The following AKAP13 variants were observed in gnomAD, a reference collection of about 807,000 sequenced individuals.
AKAP13 encodes the protein A-kinase anchoring protein 13.
Under a neutral mutation model 264.5 loss-of-function variants are expected in AKAP13, and 80 were observed. The observed-to-expected ratio is 0.30, with a 90% CI of 0.25 to 0.36. The LOEUF is 0.36. AKAP13 is among the 10% of genes least tolerant of loss of function. The pLI is 1.00. For missense variants in AKAP13, 3,712 were observed against 3,435.2 expected (o/e 1.08, Z -2.01); for synonymous variants, 1,380 against 1,250.2 (o/e 1.10, Z -2.19).
Position 85,745,714 on chromosome 15 carries a change from C to G in AKAP13, c.*1037C>G, listed in dbSNP as rs1373922515. On this transcript the variant is annotated 3_prime_UTR_variant, in exon 37 of 37. Coordinates refer to ENST00000394518, the MANE Select transcript of AKAP13 (RefSeq NM_007200.5). ...GCACCCAGGCCAGGCAGAAGCTGTG[C>G]TCTGAAGCTAGGACAGCTGGCTGAG... 6.6e-6 allele frequency: 1 copy of G among 152,326 alleles called. No homozygotes were observed. The highest frequency in any genetic ancestry group is 2.4e-5 in the African/African-American group (1 of 41,452). 9.4% of individuals were successfully genotyped at this position (152,326 alleles called of 1,614,324 possible). A position where few individuals can be genotyped will look rare whatever the true frequency, so the allele number is the denominator to read the frequency against.
chr15:85,672,534 C>A (rs892929382), intron 14 of AKAP13, among the ~76,000 whole-genome samples: 4 of 152,168 alleles, frequency 2.6e-5, no homozygotes, highest in African/African-American at 7.2e-5. Context: ...CTTAAATACT[C>A]AGCATGATTC....
intron 14 of AKAP13, among the ~76,000 whole-genome samples, chr15:85,676,202 C>T (rs185517065): frequency 6.7e-4 from 102 of 152,292 alleles, no homozygotes; most frequent in African/African-American, 2.3e-3. Context: ...TGAGCCACCA[C>T]GCCCAGCCAG....
At chr15:85,614,364 G>A (rs2080845807) in intron 8 of AKAP13, among the ~76,000 whole-genome samples, 1 of 152,124 alleles carries the variant, frequency 6.6e-6, no homozygotes, top group Admixed American at 6.5e-5. Context: ...GGAAGACTTG[G>A]GTAGCAATAT....
At chr15:85,477,820 G>A (rs1006114032) in intron 1 of AKAP13, among the ~76,000 whole-genome samples, 1 of 152,048 alleles carries the variant, frequency 6.6e-6, no homozygotes, top group East Asian at 1.9e-4. Context: ...CCCTGCCTCT[G>A]TTTCTAAGGC....
chr15:85,723,137 G>A lies in AKAP13; in HGVS notation c.6562G>A (p.Val2188Ile), dbSNP rs775687536. ...LSLVKDVIGA[V>I]DSKVASYEKK... is the part of the protein sequence containing the mutation. ...CCTGGTGAAGGATGTGATTGGAGCT[G>A]TAGACAGCAAAGTGGCAAGTTATGA... Residue 2188 changes from valine (V) to isoleucine (I), a missense_variant, in exon 26 of 37, where the codon GTA becomes ATA. Transcript: ENST00000394518. 3 of 1,614,174 alleles carry A rather than the reference G, an allele frequency of 1.9e-6. No homozygotes were observed. Among genetic ancestry groups the A allele is most frequent in the Non-Finnish European group, 1.7e-6 (2 of 1,180,008 alleles).
At position 85,718,015 on chromosome 15, in the gene AKAP13, A is replaced by T; in HGVS notation, c.5857A>T (p.Thr1953Ser). ...TTTTTTGATATATTGAGGAGTAGGT[A>T]CAGACATGAATGAAGGACAACTACT... ...TESLTDEGVGTDMNEGQLLGD... is the reference protein window; with the variant it reads ...TESLTDEGVGSDMNEGQLLGD... The change falls in exon 22 of 37, where the codon ACA (threonine) becomes TCA (serine). Residue 1953 changes from threonine (T) to serine (S), a missense_variant. Thr to Ser is a moderately conservative substitution (Grantham distance 58, BLOSUM62 1). Transcript: ENST00000394518. This position sits in a 1 kb window ranked among gnomAD's most constrained non-coding sequence, Gnocchi z 4.9. 6.2e-7 allele frequency: 1 copy of T among 1,614,102 alleles called. No individual in the cohort carries two copies. Among genetic ancestry groups the T allele is most frequent in the Non-Finnish European group, 8.5e-7 (1 of 1,179,970 alleles).
intron 8 of AKAP13, among the ~76,000 whole-genome samples, chr15:85,627,008 C>T (rs929945422): frequency 6.6e-6 from 1 of 152,110 alleles, no homozygotes; most frequent in African/African-American, 2.4e-5. Context: ...TGCACACTTA[C>T]TTTTGTCCTG....
chr15:85,427,276 T>G (rs991952908), intron 1 of AKAP13, among the ~76,000 whole-genome samples: 8 of 152,092 alleles, frequency 5.3e-5, no homozygotes, highest in Admixed American at 1.3e-4. Context: ...TTCTGGTTTA[T>G]AAGAATTGAA....
At chr15:85,486,598 T>C (rs1182565812) in intron 2 of AKAP13, among the ~76,000 whole-genome samples, 2 of 152,164 alleles carry the variant, frequency 1.3e-5, no homozygotes, top group Non-Finnish European at 2.9e-5. Flanking sequence ...GTCGATTCCT[T>C]TCATTTAGGT....
chr15:85,497,225 A>G lies in AKAP13; in HGVS notation c.33+11472A>G, dbSNP rs367767267. On this transcript the variant is annotated intron_variant, in intron 2 of 36. Transcript: ENST00000394518. ...TAAAACAAGTATTTGTGAAGCACCT[A>G]TTAGGTGAATGGGACATTTGATCTT... Among the ~76,000 whole-genome samples the G allele has an allele frequency of 4.6e-5, 7 of 152,302 alleles. No homozygotes were observed. The East Asian group carries it at 5.8e-4, about 13-fold the overall frequency.
chr15:85,746,978 G>A lies in AKAP13; in HGVS notation c.*2301G>A, dbSNP rs552652202. 1 of 152,334 alleles carries A rather than the reference G, an allele frequency of 6.6e-6. No homozygotes were observed. Among genetic ancestry groups the A allele is most frequent in the South Asian group, 2.1e-4 (1 of 4,822 alleles). The allele number at this position is 152,334 out of a possible 1,614,324, so 9.4% of individuals were successfully genotyped here. A position where few individuals can be genotyped will look rare whatever the true frequency, so the allele number is the denominator to read the frequency against. On this transcript the variant is annotated 3_prime_UTR_variant, in exon 37 of 37. Coordinates refer to ENST00000394518, the MANE Select transcript of AKAP13 (RefSeq NM_007200.5). ...GCCACAGAGCTTGACATCAATGTTA[G>A]AGGGTCTCTTACTCCCCGCCCAGCT...
intron 2 of AKAP13, among the ~76,000 whole-genome samples, chr15:85,516,505 A>T (rs2076605002): frequency 1.3e-5 from 2 of 152,212 alleles, no homozygotes; most frequent in Admixed American, 1.3e-4. Context: ...GAGAACTATG[A>T]TGACACTGTT....
intron 8 of AKAP13, among the ~76,000 whole-genome samples, chr15:85,615,519 G>A (rs570716844): frequency 1.3e-5 from 2 of 152,314 alleles, no homozygotes; most frequent in South Asian, 4.1e-4. Flanking sequence ...TATCTAAGCA[G>A]ACAGGAGTTG....
intron 1 of AKAP13, among the ~76,000 whole-genome samples, chr15:85,405,462 A>G (rs1223267338): frequency 6.6e-6 from 1 of 152,236 alleles, no homozygotes; most frequent in Non-Finnish European, 1.5e-5. Flanking sequence ...TCTTGTGTGG[A>G]TACAAAAATT....
At chr15:85,680,125 T>C (rs1205341034) in intron 14 of AKAP13, among the ~76,000 whole-genome samples, 3 of 152,218 alleles carry the variant, frequency 2.0e-5, no homozygotes, top group Non-Finnish European at 2.9e-5. Context: ...TTGGTTGGTA[T>C]TTTTCTGCAT....
chr15:85,447,684 C>G (rs952260165), intron 1 of AKAP13, among the ~76,000 whole-genome samples: 3 of 152,086 alleles, frequency 2.0e-5, no homozygotes, highest in Non-Finnish European at 4.4e-5. Context: ...ATCCATGTTC[C>G]CAGAGAAGAC....
intron 5 of AKAP13, among the ~76,000 whole-genome samples, 163 bp from the exon 6 acceptor site, chr15:85,574,968 C>G (rs989730282): frequency 4.6e-5 from 7 of 152,132 alleles, no homozygotes; most frequent in Non-Finnish European, 8.8e-5. Flanking sequence ...GAGGATGGAG[C>G]TATTGGTTAT....
intron 1 of AKAP13, among the ~76,000 whole-genome samples, chr15:85,399,519 A>ATAAAAATAAATAAAT (rs1450087789): frequency 2.4e-5 from 3 of 124,578 alleles, no homozygotes; most frequent in Non-Finnish European, 5.0e-5. Context: ...AAAAAAAAAA[A>ATAAAAATAAATAAAT]AAATAAAAAA....
intron 3 of AKAP13, among the ~76,000 whole-genome samples, chr15:85,523,484 A>C (rs1038937865): frequency 6.6e-6 from 1 of 152,250 alleles, no homozygotes; most frequent in East Asian, 1.9e-4. Context: ...TCCAGCTCAT[A>C]AAAATACACA....
Sources: allele counts gnomAD v4.1 joint callset (sites outside exome capture counted in the v4.1 genomes callset), GRCh38; gene constraint gnomAD v4.1.1; non-coding constraint Gnocchi (gnomAD v3.1); transcripts MANE v1.5; gene names NCBI Gene and HGNC (gene_info 2026-07-23, HGNC 2026-07-21).